The following PACS1 variants were observed in gnomAD, a reference collection of about 807,000 sequenced individuals.
The protein encoded by PACS1 is phosphofurin acidic cluster sorting protein 1, also known as PACS-1.
Under a neutral mutation model 115.0 loss-of-function variants are expected in PACS1, and 24 were observed. The ratio of observed to expected loss-of-function variants is 0.21; its 90% CI spans 0.15 to 0.29. The LOEUF is 0.29. PACS1 is among the 10% of genes least tolerant of loss of function. The pLI, the probability that PACS1 is intolerant of heterozygous loss-of-function variation, is 1.00. For synonymous variants in PACS1, 453 were observed against 504.5 expected (o/e 0.90, Z 1.37); for missense variants, 838 against 1,251.2 (o/e 0.67, Z 4.98).
chr11:66,179,242 T>C (rs1336884996), intron 1 of PACS1, among the ~76,000 whole-genome samples: 1 of 152,226 alleles, frequency 6.6e-6, no homozygotes, highest in Non-Finnish European at 1.5e-5. Flanking sequence ...TAAGTACCTA[T>C]CCAGTATTTT....
At chr11:66,214,822 A>G (rs10896100) in intron 4 of PACS1, among the ~76,000 whole-genome samples, 28,622 of 151,376 alleles carry the variant, frequency 0.19, 2,820 homozygotes, top group East Asian at 0.27. Flanking sequence ...GGGTTCCACC[A>G]TGTTGCTCAG....
At chr11:66,203,405 A>G (rs1854861986) in intron 2 of PACS1, among the ~76,000 whole-genome samples, 4 of 152,226 alleles carry the variant, frequency 2.6e-5, no homozygotes, top group South Asian at 2.1e-4. Flanking sequence ...AAGAATCAAT[A>G]TTGTTAAAAT....
chr11:66,234,093 T>A (rs1855657717), intron 16 of PACS1, 39 bp from the exon 17 acceptor site: 1 of 1,546,346 alleles, frequency 6.5e-7, no homozygotes, highest in East Asian at 2.2e-5. Flanking sequence ...CTGTCTCATC[T>A]CCTGACGAAT....
In PACS1 at chr11:66,128,871, C is replaced by T. The variant is rs369703992; in HGVS notation, c.356+58029C>T. Among the ~76,000 whole-genome samples the T allele has an allele frequency of 3.3e-4, 48 of 144,216 alleles. No homozygotes were observed. The South Asian group carries it at 9.0e-3, about 27-fold the overall frequency. The allele number at this position is 144,216 out of a possible 152,430, so 94.6% of individuals were successfully genotyped here. A position where few individuals can be genotyped will look rare whatever the true frequency, so the allele number is the denominator to read the frequency against. The stretch of plus-strand genomic sequence containing the variant: ...TGTACTCCATCCTGGGCAACAGAGC[C>T]GGACTCCATCTCAAAAAAAAAAAAA... On this transcript the variant is annotated intron_variant, in intron 1 of 23. Transcript: ENST00000320580.
intron 1 of PACS1, among the ~76,000 whole-genome samples, chr11:66,118,262 A>G (rs1478986501): frequency 1.3e-5 from 2 of 152,232 alleles, no homozygotes; most frequent in Non-Finnish European, 2.9e-5. Flanking sequence ...TGTGTATGCC[A>G]TTGAGCCACT....
At chr11:66,109,867 A>T (rs1423358572) in intron 1 of PACS1, among the ~76,000 whole-genome samples, 1 of 152,166 alleles carries the variant, frequency 6.6e-6, no homozygotes, top group Non-Finnish European at 1.5e-5. Flanking sequence ...TTAATAAGTG[A>T]TAAGGGAGGT....
intron 1 of PACS1, among the ~76,000 whole-genome samples, chr11:66,104,701 G>A (rs1010862091): frequency 6.6e-6 from 1 of 152,236 alleles, no homozygotes; most frequent in Admixed American, 6.5e-5. Flanking sequence ...CCATGTCTTT[G>A]TGATATACAG....
chr11:66,110,636 G>A (rs951316017), intron 1 of PACS1, among the ~76,000 whole-genome samples: 5 of 152,000 alleles, frequency 3.3e-5, no homozygotes, highest in Admixed American at 1.3e-4. Context: ...GCAGTGATGC[G>A]ATCTCGGCTC....
At position 66,233,568 on chromosome 11, in the gene PACS1, G is replaced by T. The variant is rs947157740; in HGVS notation, c.1839-217G>T. Among the ~76,000 whole-genome samples, 1 of 152,314 alleles carries T rather than the reference G, an allele frequency of 6.6e-6. No individual in the cohort carries two copies. Among genetic ancestry groups the T allele is most frequent in the Non-Finnish European group, 1.5e-5 (1 of 68,030 alleles). On this transcript the variant is annotated intron_variant, in intron 15 of 23. Coordinates refer to ENST00000320580, the MANE Select transcript of PACS1 (RefSeq NM_018026.4). This position sits in a 1 kb window ranked among gnomAD's most constrained non-coding sequence, Gnocchi z 4.5. Reference sequence around the variant, plus strand: ...GTCCTACGTTAGCCTCAGCTGTTCCGTCTGCTTCATGGGCAATGCCCTCTG... The same window carrying T: ...GTCCTACGTTAGCCTCAGCTGTTCCTTCTGCTTCATGGGCAATGCCCTCTG...
rs534673833 is a variant in PACS1 at position 66,211,152 on chromosome 11, C to T, written c.553C>T (p.Arg185Ter). 6.2e-7 allele frequency: 1 copy of T among 1,613,664 alleles called. No homozygotes were observed. Among genetic ancestry groups the T allele is most frequent in the South Asian group, 1.1e-5 (1 of 91,068 alleles). The change falls in exon 4 of 24, where the codon CGA (arginine) becomes TGA (stop). Residue 185 changes from arginine to a stop codon, truncating the protein, a stop_gained. Coordinates refer to ENST00000320580, the MANE Select transcript of PACS1 (RefSeq NM_018026.4). LOFTEE classifies it high-confidence loss of function. ...FSLQYPHFLK[R>*]DANKLQIMLQ... ...TTCGTAGTACCCTCATTTCCTTAAG[C>T]GAGATGCCAACAAGCTGCAGATCAT...
chr11:66,088,969 T>A (rs1306382251), intron 1 of PACS1, among the ~76,000 whole-genome samples: 1 of 152,234 alleles, frequency 6.6e-6, no homozygotes, highest in Non-Finnish European at 1.5e-5. Context: ...TCCTATATAT[T>A]TGATATTTTT....
At chr11:66,147,970 T>C (rs1163960529) in intron 1 of PACS1, among the ~76,000 whole-genome samples, 1 of 152,008 alleles carries the variant, frequency 6.6e-6, no homozygotes, top group Non-Finnish European at 1.5e-5. Flanking sequence ...ACACCTTCTA[T>C]ATACCCACAA....
chr11:66,235,908 G>C lies in PACS1; in HGVS notation c.2218G>C (p.Asp740His). 6.2e-7 allele frequency: 1 copy of C among 1,613,892 alleles called. No individual in the cohort carries two copies. The highest frequency in any genetic ancestry group is 8.5e-7 in the Non-Finnish European group (1 of 1,179,808). ...TGTGTCTCCCAACAGCCCTGATGAAGACTCCTATCAGAAGTTTATTCCCTT... is the reference window on the plus strand; with the variant it reads ...TGTGTCTCCCAACAGCCCTGATGAACACTCCTATCAGAAGTTTATTCCCTT... The part of the protein sequence containing the change: ...LTCRHKFPDE[D>H]SYQKFIPFIG... The change falls in exon 19 of 24, where the codon GAC becomes CAC. Residue 740 changes from aspartate to histidine, a missense_variant. Transcript: ENST00000320580. This position sits in a 1 kb window ranked among gnomAD's most constrained non-coding sequence, Gnocchi z 5.6.
chr11:66,150,525 A>C (rs537741507), intron 1 of PACS1, among the ~76,000 whole-genome samples: 1 of 152,186 alleles, frequency 6.6e-6, no homozygotes, highest in Non-Finnish European at 1.5e-5. Context: ...TGACTTTATC[A>C]CATGCAACAT....
chr11:66,134,282 G>GTTTTTTTTTT (rs1858786404), intron 1 of PACS1, among the ~76,000 whole-genome samples: 2 of 36,814 alleles, frequency 5.4e-5, no homozygotes, highest in Non-Finnish European at 4.9e-5. Context: ...TTTTTTTTGA[G>GTTTTTTTTTT]ACGGAGTCTC....
At chr11:66,149,772 G>A (rs1020481009) in intron 1 of PACS1, among the ~76,000 whole-genome samples, 7 of 151,338 alleles carry the variant, frequency 4.6e-5, no homozygotes, top group Non-Finnish European at 8.8e-5. Flanking sequence ...TTTTTGAGAC[G>A]GAGTTTCGCT....
chr11:66,075,439 G>T (rs1857377881), intron 1 of PACS1, among the ~76,000 whole-genome samples: 1 of 151,792 alleles, frequency 6.6e-6, no homozygotes, highest in Non-Finnish European at 1.5e-5. Flanking sequence ...ATGGGGTCTT[G>T]CTGTGTTGCC....
intron 2 of PACS1, among the ~76,000 whole-genome samples, chr11:66,202,309 G>A (rs940171987): frequency 1.2e-4 from 18 of 152,084 alleles, no homozygotes; most frequent in African/African-American, 4.3e-4. Flanking sequence ...AAACATTTAA[G>A]AAGAACTGTT....
At chr11:66,073,354 G>A (rs1857343155) in intron 1 of PACS1, among the ~76,000 whole-genome samples, 2 of 152,190 alleles carry the variant, frequency 1.3e-5, no homozygotes, top group African/African-American at 2.4e-5. Flanking sequence ...CTTGTCTCAT[G>A]TAACTCAAAC....
Sources: gnomAD v4.1 joint callset for allele counts (sites outside exome capture counted in the v4.1 genomes callset) on GRCh38, gnomAD v4.1.1 for gene constraint, Gnocchi (gnomAD v3.1) non-coding constraint, MANE v1.5 for transcripts, NCBI Gene and HGNC (gene_info 2026-07-23, HGNC 2026-07-21) for gene names.